ZNF230: variants seen among roughly 807,000 people sequenced by gnomAD.
The protein encoded by ZNF230 is zinc finger protein FDZF2.
Under a neutral mutation model 10.0 loss-of-function variants are expected in ZNF230, and 12 were observed. That is an observed-to-expected ratio of 1.20 (90% CI 0.77 to 1.95). The LOEUF is 1.95. Ranked by LOEUF, ZNF230 falls within the 30% of genes most tolerant of loss-of-function variation. ZNF230 has a pLI of 0.00. For missense variants in ZNF230, 532 were observed against 565.8 expected (o/e 0.94, Z 0.61); for synonymous variants, 174 against 193.6 (o/e 0.90, Z 0.84).
rs533329297 is a variant in ZNF230, at chr19:44,008,879, C to T, written c.105C>T (p.Asp35=). The change falls in exon 3 of 5, where the codon GAC becomes GAT. Residue 35 remains aspartate, a synonymous_variant. Coordinates refer to ENST00000429154, the MANE Select transcript of ZNF230 (RefSeq NM_006300.4). ...LDPAQRKLYQ[D]VMLENFTNLL... is the part of the protein sequence containing the mutation. ...CTGCCCAGAGGAAGCTGTACCAAGA[C>T]GTGATGCTTGAGAACTTCACGAACC... 18 of 1,613,988 alleles carry T rather than the reference C, an allele frequency of 1.1e-5. No individual in the cohort carries two copies. Among genetic ancestry groups the T allele is most frequent in the Middle Eastern group, 1.6e-4 (1 of 6,084 alleles).
Position 44,008,777 on chromosome 19 carries a change from C to T in ZNF230, c.16-13C>T. ...GGTCATAGGATTGAGGTTATGTATC[C>T]TTGATGTTATAGGAGGCAGTGACCT... On this transcript the variant is annotated splice_polypyrimidine_tract_variant and intron_variant, in intron 2 of 4. Coordinates refer to ENST00000429154, the MANE Select transcript of ZNF230 (RefSeq NM_006300.4). 1 of 1,612,930 alleles carries T rather than the reference C, an allele frequency of 6.2e-7. No individual in the cohort carries two copies. The highest frequency in any genetic ancestry group is 8.5e-7 in the Non-Finnish European group (1 of 1,179,320).
rs1976177916 is a variant in ZNF230 at position 44,011,136 on chromosome 19, G to A, written c.1097G>A (p.Cys366Tyr). The A allele has an allele frequency of 2.5e-6, 4 of 1,614,220 alleles. No individual in the cohort carries two copies. Among genetic ancestry groups the A allele is most frequent in the Non-Finnish European group, 3.4e-6 (4 of 1,180,022 alleles). ...CACAGTGGAGAAAAACCATACAGAT[G>A]TGAGGAGTGTGGGAAGGGCTACATT... ...RIHSGEKPYR[C>Y]EECGKGYISK... The change falls in exon 5 of 5, where the codon TGT becomes TAT. Residue 366 changes from cysteine to tyrosine, a missense_variant. Cys to Tyr is a radical substitution (Grantham distance 194). Coordinates refer to ENST00000429154, the MANE Select transcript of ZNF230 (RefSeq NM_006300.4).
intron 1 of ZNF230, chr19:44,003,644 GCGAT>G: frequency 5.0e-6 from 1 of 201,044 alleles, no homozygotes; most frequent in Non-Finnish European, 1.1e-5. Flanking sequence ...ATGGGGGACC[GCGAT>G]GCAGTCAGGG....
rs200930002 is a variant in ZNF230, at chr19:44,007,052, T to C, written c.-27T>C. The C allele has an allele frequency of 2.4e-3, 3,896 of 1,596,968 alleles. 9 individuals are homozygous for C. The highest frequency in any genetic ancestry group is 3.0e-3 in the Non-Finnish European group (3,476 of 1,165,052). On this transcript the variant is annotated 5_prime_UTR_variant, in exon 2 of 5. The change abolishes the stop of an existing upstream ORF in the 5' untranslated region. Transcript: ENST00000429154. The stretch of plus-strand genomic sequence containing the variant: ...CTTTGTGCTCCATTACTCAAGACAC[T>C]GAAGACTCCAAAAAGTAGTAGGAAA...
At chr19:44,008,975 A>G (rs1976147263) in intron 3 of ZNF230, 59 bp downstream of exon 3, 2 of 1,605,430 alleles carry the variant, frequency 1.2e-6, no homozygotes, top group Middle Eastern at 1.7e-4. Context: ...TTTGTATCCT[A>G]GAGTATTCAA....
chr19:44,011,218 T>A lies in ZNF230; in HGVS notation c.1179T>A (p.Asn393Lys), dbSNP rs565252932. The A allele has an allele frequency of 6.2e-7, 1 of 1,614,080 alleles. No homozygotes were observed. Among genetic ancestry groups the A allele is most frequent in the South Asian group, 1.1e-5 (1 of 91,086 alleles). The change falls in exon 5 of 5, where the codon AAT (asparagine) becomes AAA (lysine). Residue 393 changes from asparagine (N) to lysine (K), a missense_variant. Transcript: ENST00000429154. ...TCCATACTGGAGAGAGACCTTATAATTGTAAGGAATGTGGGAAGAGCTTTA... is the reference window on the plus strand; with the variant it reads ...TCCATACTGGAGAGAGACCTTATAAATGTAAGGAATGTGGGAAGAGCTTTA... ...QRVHTGERPY[N>K]CKECGKSFSR...
intron 2 of ZNF230, among the ~76,000 whole-genome samples, chr19:44,007,389 T>C (rs1976133117): frequency 1.3e-5 from 2 of 152,252 alleles, no homozygotes; most frequent in Non-Finnish European, 2.9e-5. Flanking sequence ...GTGCTGTTCC[T>C]TGTACATTCA....
intron 2 of ZNF230, 53 bp from the exon 3 acceptor site, chr19:44,008,737 C>A: frequency 6.3e-7 from 1 of 1,596,528 alleles, no homozygotes; most frequent in South Asian, 1.1e-5. Flanking sequence ...TGCTGCTCCT[C>A]CCCCAGTAGT....
At chr19:44,009,014 T>C in intron 3 of ZNF230, 70 bp from the exon 4 acceptor site, 1 of 1,604,378 alleles carries the variant, frequency 6.2e-7, no homozygotes, top group Non-Finnish European at 8.5e-7. Context: ...AACTTAAATT[T>C]CCAGTAAATT....
At position 44,013,894 on chromosome 19, in the gene ZNF230, A is replaced by C. The variant is rs1370494627; in HGVS notation, c.*2430A>C. On this transcript the variant is annotated 3_prime_UTR_variant, in exon 5 of 5. Transcript: ENST00000429154. ...TAATCACTTACCTACCAGGACTCAGAATCTCAGAATAAAATTGCTCTATAT... is the reference window on the plus strand; with the variant it reads ...TAATCACTTACCTACCAGGACTCAGCATCTCAGAATAAAATTGCTCTATAT... 6.6e-6 allele frequency: 1 copy of C among 152,186 alleles called. No individual in the cohort carries two copies. Among genetic ancestry groups the C allele is most frequent in the Non-Finnish European group, 1.5e-5 (1 of 68,026 alleles). 9.4% of individuals were successfully genotyped at this position (152,186 alleles called of 1,614,324 possible). A position where few individuals can be genotyped will look rare whatever the true frequency, so the allele number is the denominator to read the frequency against.
At chr19:44,009,664 G>A (rs760472252) in intron 4 of ZNF230, among the ~76,000 whole-genome samples, 4 of 152,118 alleles carry the variant, frequency 2.6e-5, no homozygotes, top group Admixed American at 1.3e-4. Context: ...TGGGGAGGAC[G>A]GTCTCCCACC....
In ZNF230 at chr19:44,010,454, C is replaced by A. The variant is rs750866655; in HGVS notation, c.415C>A (p.Pro139Thr). The A allele has an allele frequency of 9.3e-6, 15 of 1,614,240 alleles. No individual in the cohort carries two copies. The highest frequency in any genetic ancestry group is 5.5e-5 in the South Asian group (5 of 91,088). Residue 139 changes from proline (P) to threonine (T), a missense_variant, in exon 5 of 5, where the codon CCT (proline) becomes ACT (threonine). By Grantham distance (38) the Pro-to-Thr change is conservative. Coordinates refer to ENST00000429154, the MANE Select transcript of ZNF230 (RefSeq NM_006300.4). Reference protein sequence around the residue: ...GLSIIHTGQKPSQNGKCKQSF... With the variant: ...GLSIIHTGQKTSQNGKCKQSF... ...ATCTATAATTCATACAGGACAGAAA[C>A]CTTCACAGAATGGGAAGTGTAAACA...
At chr19:44,006,977 A>G (rs1976129532) in intron 1 of ZNF230, 34 bp from the exon 2 acceptor site, 1 of 965,566 alleles carries the variant, frequency 1.0e-6, no homozygotes, top group Non-Finnish European at 1.6e-6. Flanking sequence ...CCACCATTTC[A>G]TGTCTCTCTT....
At chr19:44,005,233 C>G (rs1015949997) in intron 1 of ZNF230, among the ~76,000 whole-genome samples, 3 of 152,032 alleles carry the variant, frequency 2.0e-5, no homozygotes, top group African/African-American at 7.2e-5. Context: ...ATACTCTATC[C>G]AAATTTGCCA....
intron 4 of ZNF230, 143 bp from the exon 5 acceptor site, chr19:44,010,126 A>G: frequency 1.3e-6 from 1 of 792,162 alleles, no homozygotes; most frequent in Non-Finnish European, 1.9e-6. Context: ...AATTGGTCAC[A>G]TACAAACCAG....
intron 4 of ZNF230, 127 bp from the exon 5 acceptor site, chr19:44,010,142 A>T: frequency 1.1e-6 from 1 of 923,098 alleles, no homozygotes; most frequent in Non-Finnish European, 1.6e-6. Context: ...ACCAGAAAAC[A>T]AGATTCATGG....
intron 2 of ZNF230, among the ~76,000 whole-genome samples, chr19:44,007,572 C>G (rs1324491843): frequency 6.6e-6 from 1 of 152,150 alleles, no homozygotes; most frequent in Non-Finnish European, 1.5e-5. Flanking sequence ...TCCAGGGACC[C>G]TCTGACCCAC....
intron 2 of ZNF230, among the ~76,000 whole-genome samples, 198 bp downstream of exon 2, chr19:44,007,291 A>G (rs1976132495): frequency 6.6e-6 from 1 of 152,006 alleles, no homozygotes; most frequent in Admixed American, 6.6e-5. Context: ...TTTTACTGTT[A>G]CATTATGGAG....
At chr19:44,006,896 T>G in intron 1 of ZNF230, 115 bp from the exon 2 acceptor site, 1 of 495,994 alleles carries the variant, frequency 2.0e-6, no homozygotes, top group East Asian at 3.0e-5. Context: ...TGCACAGTTT[T>G]GGGGTTAGTA....
Sources: allele counts gnomAD v4.1 joint callset (sites outside exome capture counted in the v4.1 genomes callset), GRCh38; gene constraint gnomAD v4.1.1; transcripts MANE v1.5; gene names NCBI Gene and HGNC (gene_info 2026-07-23, HGNC 2026-07-21).